Variants in NPAS3 observed in about 807,000 individuals in gnomAD.
NPAS3 encodes the protein neuronal PAS domain-containing protein 3.
A neutral mutation model predicts 73.1 loss-of-function variants in NPAS3; 14 were observed. The observed-to-expected ratio is 0.19, with a 90% CI of 0.13 to 0.30. The LOEUF (loss-of-function observed/expected upper bound fraction) is 0.30, where lower values mean the gene tolerates loss of function less well. Ranked by LOEUF, NPAS3 falls within the 10% of genes least tolerant of loss-of-function variation. The pLI is 1.00. For missense variants in NPAS3, 1,096 were observed against 1,250.0 expected, an observed-to-expected ratio of 0.88 and a Z score of 1.86; for synonymous variants, 620 against 541.5, an observed-to-expected ratio of 1.14 and a Z score of -2.01.
intron 1 of NPAS3, among the ~76,000 whole-genome samples, chr14:32,978,354 G>A (rs1023690117): frequency 6.6e-6 from 1 of 152,170 alleles, no homozygotes; most frequent in African/African-American, 2.4e-5. Context: ...AAACACAACT[G>A]GGAGAAGGGC....
chr14:33,117,060 A>T (rs2043089398), intron 2 of NPAS3, among the ~76,000 whole-genome samples: 1 of 152,144 alleles, frequency 6.6e-6, no homozygotes, highest in African/African-American at 2.4e-5. Flanking sequence ...GTATTACAGC[A>T]TTATTTAAAA....
chr14:33,680,297 A>G (rs1327339155), intron 6 of NPAS3, among the ~76,000 whole-genome samples: 1 of 152,236 alleles, frequency 6.6e-6, no homozygotes, highest in East Asian at 1.9e-4. Context: ...GTTGAAGGCA[A>G]ATAGTAATAT....
At chr14:33,502,748 C>T (rs574104482) in intron 4 of NPAS3, among the ~76,000 whole-genome samples, 18 of 152,050 alleles carry the variant, frequency 1.2e-4, no homozygotes, top group African/African-American at 4.1e-4. Flanking sequence ...AAACCTTCTC[C>T]TAGTTTCCTT....
At chr14:33,639,732 TC>T (rs1475980370) in intron 5 of NPAS3, among the ~76,000 whole-genome samples, 11 of 152,232 alleles carry the variant, frequency 7.2e-5, no homozygotes, top group Non-Finnish European at 1.5e-4. Context: ...TCTTTATGAA[TC>T]TGCTTTCTTA....
At chr14:33,219,351 C>A (rs2047339599) in intron 3 of NPAS3, among the ~76,000 whole-genome samples, 1 of 152,182 alleles carries the variant, frequency 6.6e-6, no homozygotes, top group African/African-American at 2.4e-5. Context: ...TCGTCTGCTG[C>A]AACTCTATTA....
At chr14:33,728,586 C>T (rs1390733174) in intron 6 of NPAS3, among the ~76,000 whole-genome samples, 2 of 152,156 alleles carry the variant, frequency 1.3e-5, no homozygotes, top group East Asian at 3.9e-4. Flanking sequence ...GGTGGTACAA[C>T]TTGTGACTGC....
chr14:33,542,499 C>T (rs533813487), intron 4 of NPAS3, among the ~76,000 whole-genome samples: 10 of 152,254 alleles, frequency 6.6e-5, no homozygotes, highest in South Asian at 2.1e-4. Context: ...TCCTTTCAGC[C>T]GTTTCCTATT....
intron 4 of NPAS3, among the ~76,000 whole-genome samples, chr14:33,405,882 G>T (rs1211649114): frequency 6.6e-6 from 1 of 152,166 alleles, no homozygotes; most frequent in East Asian, 1.9e-4. Flanking sequence ...AGCTGTGTGT[G>T]TTAATTCAAT....
intron 2 of NPAS3, among the ~76,000 whole-genome samples, chr14:33,168,320 G>A (rs539172078): frequency 6.6e-6 from 1 of 152,026 alleles, no homozygotes; most frequent in South Asian, 2.1e-4. Context: ...AAGGGGATTC[G>A]AAGGCAAACA....
At chr14:33,588,091 G>A (rs1489658951) in intron 5 of NPAS3, among the ~76,000 whole-genome samples, 1 of 152,154 alleles carries the variant, frequency 6.6e-6, no homozygotes, top group Non-Finnish European at 1.5e-5. Flanking sequence ...AGCCAGATTT[G>A]TTTTATGGTT....
At chr14:33,473,021 G>C (rs2050857891) in intron 4 of NPAS3, among the ~76,000 whole-genome samples, 1 of 143,422 alleles carries the variant, frequency 7.0e-6, no homozygotes, top group South Asian at 2.1e-4. Flanking sequence ...AAGCATGTTT[G>C]CTTGAGCTTT....
At chr14:33,147,086 C>T (rs993207273) in intron 2 of NPAS3, among the ~76,000 whole-genome samples, 7 of 151,000 alleles carry the variant, frequency 4.6e-5, no homozygotes, top group Admixed American at 3.3e-4. Context: ...AAGATGGGCA[C>T]AATGGTCTAT....
intron 4 of NPAS3, among the ~76,000 whole-genome samples, chr14:33,395,499 T>C (rs61972754): frequency 0.091 from 13,802 of 152,066 alleles, 711 homozygotes; most frequent in Non-Finnish European, 0.11. Context: ...ATACTAAATA[T>C]AAACATGAAT....
At chr14:33,584,986 A>G (rs1163940278) in intron 5 of NPAS3, among the ~76,000 whole-genome samples, 1 of 152,208 alleles carries the variant, frequency 6.6e-6, no homozygotes, top group Non-Finnish European at 1.5e-5. Context: ...GAAGAAGGAA[A>G]TGTAAAAAGG....
intron 4 of NPAS3, among the ~76,000 whole-genome samples, chr14:33,465,963 G>A (rs1412129195): frequency 6.6e-6 from 1 of 152,134 alleles, no homozygotes; most frequent in African/African-American, 2.4e-5. Flanking sequence ...TGAGAAAGGA[G>A]CCTGGGTAGT....
chr14:33,653,675 C>A (rs1277920459), intron 5 of NPAS3, among the ~76,000 whole-genome samples: 1 of 152,192 alleles, frequency 6.6e-6, no homozygotes, highest in Non-Finnish European at 1.5e-5. Context: ...GTTGACACTG[C>A]CAAGGACTCA....
At chr14:33,411,704 G>A (rs564861614) in intron 4 of NPAS3, among the ~76,000 whole-genome samples, 8 of 152,156 alleles carry the variant, frequency 5.3e-5, no homozygotes, top group African/African-American at 1.9e-4. Context: ...TGACAATTTC[G>A]AACATGCCTT....
At chr14:33,205,143 ATTC>A (rs1361854828) in intron 2 of NPAS3, among the ~76,000 whole-genome samples, 5 of 152,192 alleles carry the variant, frequency 3.3e-5, no homozygotes, top group Non-Finnish European at 2.9e-5. Flanking sequence ...GTAGCAGTTC[ATTC>A]AGATTTGGAT....
At chr14:33,435,031 T>C (rs11156788) in intron 4 of NPAS3, among the ~76,000 whole-genome samples, 28,933 of 152,106 alleles carry the variant, frequency 0.19, 3,106 homozygotes, top group East Asian at 0.5. Flanking sequence ...CACCTGCAGA[T>C]TGGAGATGTT....
Sources: allele counts gnomAD v4.1 joint callset (sites outside exome capture counted in the v4.1 genomes callset), GRCh38; gene constraint gnomAD v4.1.1; transcripts MANE v1.5; gene names NCBI Gene and HGNC (gene_info 2026-07-23, HGNC 2026-07-21).